Variants in GKN1 observed in about 807,000 individuals in gnomAD.
The protein encoded by GKN1 is gastrokine 1, also known as gastrokine-1.
In GKN1, 17 loss-of-function variants were observed where a neutral mutation model predicts 19.7. The observed-to-expected ratio is 0.86, with a 90% CI of 0.59 to 1.29. The LOEUF is 1.29. GKN1 is among the 50% of genes most tolerant of loss of function. The probability of loss-of-function intolerance (pLI) is 0.00; values close to 1 mark genes in which losing one functional copy is unlikely to be tolerated. For synonymous variants in GKN1, 96 were observed against 78.3 expected, an observed-to-expected ratio of 1.23 and a Z score of -1.20; for missense variants, 218 against 224.5, an observed-to-expected ratio of 0.97 and a Z score of 0.19.
Position 68,974,641 on chromosome 2 carries a change from T to C in GKN1, c.-37T>C. 6.2e-7 allele frequency: 1 copy of C among 1,600,426 alleles called. No individual in the cohort carries two copies. Among genetic ancestry groups the C allele is most frequent in the East Asian group, 2.2e-5 (1 of 44,802 alleles). ...AAGGCTTCTCATTCAGGTCCATGCTTGCCTACTCCTCTGTCCACTGCTTTC... is the reference window on the plus strand; with the variant it reads ...AAGGCTTCTCATTCAGGTCCATGCTCGCCTACTCCTCTGTCCACTGCTTTC... On this transcript the variant is annotated 5_prime_UTR_variant, in exon 1 of 6. Transcript: ENST00000377938.
chr2:68,977,698 A>G lies in GKN1; in HGVS notation c.128A>G (p.Asn43Ser). 1.2e-6 allele frequency: 2 copies of G among 1,606,106 alleles called. No homozygotes were observed. Among genetic ancestry groups the G allele is most frequent in the Non-Finnish European group, 1.7e-6 (2 of 1,172,714 alleles). ...AGSGQQSVSV[N>S]NEHNVANVDN... ...AGTGGGCAGCAGTCAGTGAGTGTCA[A>G]CAATGAACACAATGTGGCCAATGTT... is the stretch of plus-strand genomic sequence containing the variant. Residue 43 changes from asparagine (N) to serine (S), a missense_variant, in exon 3 of 6, where the codon AAC becomes AGC. By Grantham distance (46) the Asn-to-Ser change is conservative (BLOSUM62 1). Transcript: ENST00000377938.
chr2:68,977,661 A>T lies in GKN1; in HGVS notation c.91A>T (p.Asn31Tyr). ...NYNINVNDDN[N>Y]NAGSGQQSVS... is the part of the protein sequence containing the mutation. ...GAATATCAACGTCAATGATGACAAC[A>T]ACAATGCTGGAAGTGGGCAGCAGTC... The change falls in exon 3 of 6, where the codon AAC (asparagine) becomes TAC (tyrosine). Residue 31 changes from asparagine to tyrosine, a missense_variant. Coordinates refer to ENST00000377938, the MANE Select transcript of GKN1 (RefSeq NM_019617.4). The T allele has an allele frequency of 6.2e-7, 1 of 1,611,048 alleles. No homozygotes were observed. The highest frequency in any genetic ancestry group is 8.5e-7 in the Non-Finnish European group (1 of 1,177,188).
chr2:68,977,759 C>G lies in GKN1; in HGVS notation c.189C>G (p.Ile63Met), dbSNP rs747143908. The G allele has an allele frequency of 6.2e-7, 1 of 1,611,082 alleles. No individual in the cohort carries two copies. Among genetic ancestry groups the G allele is most frequent in the Non-Finnish European group, 8.5e-7 (1 of 1,177,338 alleles). The stretch of plus-strand genomic sequence containing the variant: ...ACGGATGGGACTCCTGGAATTCCAT[C>G]TGGGATTATGGAAATGTAGGTAGTC... Reference protein sequence around the residue: ...NNNGWDSWNSIWDYGNGFAAT... With the variant: ...NNNGWDSWNSMWDYGNGFAAT... Residue 63 changes from isoleucine (I) to methionine (M), a missense_variant, in exon 3 of 6, where the codon ATC becomes ATG. Coordinates refer to ENST00000377938, the MANE Select transcript of GKN1 (RefSeq NM_019617.4).
At chr2:68,976,933 G>A (rs529257831) in intron 1 of GKN1, among the ~76,000 whole-genome samples, 2 of 152,090 alleles carry the variant, frequency 1.3e-5, no homozygotes, top group Admixed American at 1.3e-4. Context: ...TAATTTATAG[G>A]AAATTCATTT....
rs930006185 is a variant in GKN1, at chr2:68,978,951, A to G, written c.285A>G (p.Gln95=). 1 of 1,596,816 alleles carries G rather than the reference A, an allele frequency of 6.3e-7. No homozygotes were observed. The highest frequency in any genetic ancestry group is 8.6e-7 in the Non-Finnish European group (1 of 1,164,484). Residue 95 remains glutamine (Q), a synonymous_variant, in exon 4 of 6, where the codon CAA becomes CAG. Coordinates refer to ENST00000377938, the MANE Select transcript of GKN1 (RefSeq NM_019617.4). ...KMNKEVMPSI[Q]SLDALVKEKK... ...ACAAGGAAGTCATGCCCTCCATTCA[A>G]TCCCTTGATGCACTGGTCAAGGAAA...
At chr2:68,974,907 G>T (rs1387824144) in intron 1 of GKN1, among the ~76,000 whole-genome samples, 1 of 152,010 alleles carries the variant, frequency 6.6e-6, no homozygotes, top group Non-Finnish European at 1.5e-5. Context: ...AGGTCAATAG[G>T]GGCAGCAAAC....
At chr2:68,978,650 C>A (rs1670313526) in intron 3 of GKN1, among the ~76,000 whole-genome samples, 1 of 152,124 alleles carries the variant, frequency 6.6e-6, no homozygotes. Context: ...GGAAATAAAG[C>A]AAACCAGTTA....
chr2:68,980,584 T>C, intron 5 of GKN1, 145 bp from the exon 6 acceptor site: 3 of 606,190 alleles, frequency 4.9e-6, no homozygotes, highest in Middle Eastern at 2.6e-4. Flanking sequence ...TCCAGATCTC[T>C]GAATTGATTG....
At chr2:68,979,009 G>A (rs185134103) in intron 4 of GKN1, 28 bp downstream of exon 4, 1 of 1,138,396 alleles carries the variant, frequency 8.8e-7, no homozygotes, top group East Asian at 2.4e-5. Flanking sequence ...TTTATTTTTG[G>A]TGAGGGGAGA....
chr2:68,978,766 T>C, intron 3 of GKN1, 105 bp from the exon 4 acceptor site: 1 of 633,210 alleles, frequency 1.6e-6, no homozygotes, highest in Non-Finnish European at 2.9e-6. Context: ...TCCCAGCTCA[T>C]CACGATCTTG....
intron 3 of GKN1, among the ~76,000 whole-genome samples, chr2:68,978,458 T>C (rs1041091654): frequency 1.3e-5 from 2 of 152,106 alleles, no homozygotes; most frequent in African/African-American, 2.4e-5. Flanking sequence ...TTAACAAACG[T>C]TATACTTTTA....
intron 1 of GKN1, among the ~76,000 whole-genome samples, chr2:68,977,102 C>T (rs56789492): frequency 0.068 from 10,390 of 152,072 alleles, 546 homozygotes; most frequent in East Asian, 0.24. Flanking sequence ...CTGGGTTTTA[C>T]TTTAAAAGGG....
At chr2:68,978,306 G>GAAAGACGAAAGAAAGAAAGAAAGAGAGA (rs1670306765) in intron 3 of GKN1, among the ~76,000 whole-genome samples, 2 of 127,766 alleles carry the variant, frequency 1.6e-5, no homozygotes, top group African/African-American at 7.1e-5. Context: ...GAGAGAGAAA[G>GAAAGACGAAAGAAAGAAAGAAAGAGAGA]AAAGAAAAAG....
At chr2:68,978,298 G>GAAAGAAAGAA (rs1558715320) in intron 3 of GKN1, among the ~76,000 whole-genome samples, 1 of 105,032 alleles carries the variant, frequency 9.5e-6, no homozygotes, top group Admixed American at 9.5e-5. Context: ...GAAAGAAAGA[G>GAAAGAAAGAA]AGAGAAAGAA....
chr2:68,978,825 C>A, intron 3 of GKN1, 46 bp from the exon 4 acceptor site: 1 of 1,036,020 alleles, frequency 9.7e-7, no homozygotes, highest in Non-Finnish European at 1.5e-6. Flanking sequence ...ATAAGAAAAG[C>A]TCCTCGGAGA....
intron 3 of GKN1, 113 bp from the exon 4 acceptor site, chr2:68,978,758 C>T: frequency 1.6e-6 from 1 of 618,578 alleles, no homozygotes; most frequent in Non-Finnish European, 2.9e-6. Flanking sequence ...TGCTCTTATC[C>T]CAGCTCATCA....
At position 68,978,857 on chromosome 2, in the gene GKN1, A is replaced by G. The variant is rs1158798670; in HGVS notation, c.205-14A>G. 10 of 1,474,082 alleles carry G rather than the reference A, an allele frequency of 6.8e-6. No homozygotes were observed. Among genetic ancestry groups the G allele is most frequent in the Middle Eastern group, 3.5e-4 (2 of 5,794 alleles). The allele number at this position is 1,474,082 out of a possible 1,614,324, so 91.3% of individuals were successfully genotyped here. On this transcript the variant is annotated splice_polypyrimidine_tract_variant and intron_variant, in intron 3 of 5. Transcript: ENST00000377938. ...GAGAACACATGCCTCACTATTTGCCATCTACTTTAACAGGGCTTTGCTGCA... is the reference window on the plus strand; with the variant it reads ...GAGAACACATGCCTCACTATTTGCCGTCTACTTTAACAGGGCTTTGCTGCA...
intron 5 of GKN1, among the ~76,000 whole-genome samples, 181 bp downstream of exon 5, chr2:68,980,241 C>T (rs1670339900): frequency 6.6e-6 from 1 of 151,360 alleles, no homozygotes; most frequent in African/African-American, 2.4e-5. Context: ...CTCGGTTCTT[C>T]ACAGCAATCT....
chr2:68,978,446 A>T (rs907538417), intron 3 of GKN1, among the ~76,000 whole-genome samples: 3 of 152,132 alleles, frequency 2.0e-5, no homozygotes, highest in Non-Finnish European at 4.4e-5. Context: ...TCAGCTATAT[A>T]TTTAACAAAC....
Sources: allele counts gnomAD v4.1 joint callset (sites outside exome capture counted in the v4.1 genomes callset), GRCh38; gene constraint gnomAD v4.1.1; transcripts MANE v1.5; gene names NCBI Gene and HGNC (gene_info 2026-07-23, HGNC 2026-07-21).